The following XYLT1 variants were observed in gnomAD, a reference collection of about 807,000 sequenced individuals.
XYLT1 encodes the protein beta-D-xylosyltransferase 1.
XYLT1 carries 36 observed loss-of-function variants against 91.3 expected under a neutral mutation model. The observed-to-expected ratio is 0.39, with a 90% CI of 0.30 to 0.52. The LOEUF (loss-of-function observed/expected upper bound fraction) is 0.52, where lower values mean the gene tolerates loss of function less well. Ranked by LOEUF, XYLT1 falls within the 20% of genes least tolerant of loss-of-function variation. XYLT1 has a pLI of 0.68. For synonymous variants in XYLT1, 588 were observed against 532.0 expected, an observed-to-expected ratio of 1.11 and a Z score of -1.45; for missense variants, 1,242 against 1,284.5, an observed-to-expected ratio of 0.97 and a Z score of 0.51.
chr16:17,127,183 T>C (rs530006670), intron 10 of XYLT1, among the ~76,000 whole-genome samples: 83 of 152,306 alleles, frequency 5.4e-4, no homozygotes, highest in African/African-American at 1.9e-3. Flanking sequence ...TAATCATATA[T>C]TCAGTGATTG....
chr16:17,132,262 A>G (rs1172100161), intron 9 of XYLT1, among the ~76,000 whole-genome samples: 1 of 152,160 alleles, frequency 6.6e-6, no homozygotes, highest in Non-Finnish European at 1.5e-5. Flanking sequence ...GATACCGCAC[A>G]TACTGAAGGT....
At chr16:17,279,931 G>T (rs1443830073) in intron 2 of XYLT1, among the ~76,000 whole-genome samples, 1 of 152,174 alleles carries the variant, frequency 6.6e-6, no homozygotes, top group Non-Finnish European at 1.5e-5. Flanking sequence ...AGACCTCCAG[G>T]GATGTCAGCC....
At chr16:17,243,855 T>C (rs1487229406) in intron 3 of XYLT1, among the ~76,000 whole-genome samples, 1 of 152,054 alleles carries the variant, frequency 6.6e-6, no homozygotes, top group Non-Finnish European at 1.5e-5. Context: ...TGGATGCCAA[T>C]GTGTCCATAC....
chr16:17,402,196 T>C (rs1382417345), intron 1 of XYLT1, among the ~76,000 whole-genome samples: 5 of 151,076 alleles, frequency 3.3e-5, no homozygotes, highest in Admixed American at 3.3e-4. Flanking sequence ...GGTGCACACC[T>C]GTAGTCCCAG....
At chr16:17,437,513 T>C (rs1039497387) in intron 1 of XYLT1, among the ~76,000 whole-genome samples, 2 of 152,202 alleles carry the variant, frequency 1.3e-5, no homozygotes, top group African/African-American at 2.4e-5. Context: ...ATGTGCACGA[T>C]GTCACCCACA....
intron 1 of XYLT1, among the ~76,000 whole-genome samples, chr16:17,418,383 T>A (rs554395731): frequency 6.6e-6 from 1 of 152,348 alleles, no homozygotes; most frequent in African/African-American, 2.4e-5. Flanking sequence ...CTTTTCTTTT[T>A]AACCATAGCC....
intron 5 of XYLT1, among the ~76,000 whole-genome samples, chr16:17,184,183 G>A (rs1007171713): frequency 4.2e-5 from 4 of 95,802 alleles, no homozygotes; most frequent in Non-Finnish European, 5.7e-5. Context: ...CATAAAAGAC[G>A]GCTTTTTTTT....
rs527762207 is a variant in XYLT1, at chr16:17,138,856, C to G, written c.1588-325G>C. 5.0e-5 allele frequency: 11 copies of G among 221,318 alleles called. 1 individual carries two copies. Among genetic ancestry groups the G allele is most frequent in the Non-Finnish European group, 7.4e-5 (8 of 108,494 alleles). 13.7% of individuals were successfully genotyped at this position (221,318 alleles called of 1,614,324 possible). A position where few individuals can be genotyped will look rare whatever the true frequency, so the allele number is the denominator to read the frequency against. On this transcript the variant is annotated intron_variant, in intron 7 of 11. Coordinates refer to ENST00000261381, the MANE Select transcript of XYLT1 (RefSeq NM_022166.4). ...GCTGCCCATGTGGTCCAACTCAGAG[C>G]GCAGGCGGATGCTCTGTCCAACAGA...
chr16:17,421,109 C>T (rs1471382135), intron 1 of XYLT1, among the ~76,000 whole-genome samples: 1 of 152,170 alleles, frequency 6.6e-6, no homozygotes, highest in African/African-American at 2.4e-5. Context: ...AGTAACCTTA[C>T]AGCTCAATCA....
chr16:17,310,831 A>C (rs1369653418), intron 2 of XYLT1, among the ~76,000 whole-genome samples: 1 of 152,188 alleles, frequency 6.6e-6, no homozygotes, highest in Admixed American at 6.5e-5. Flanking sequence ...CCTGGATGAC[A>C]GAGCAAGACT....
At chr16:17,232,429 G>GTATATA (rs144659961) in intron 3 of XYLT1, among the ~76,000 whole-genome samples, 3 of 121,734 alleles carry the variant, frequency 2.5e-5, no homozygotes, top group South Asian at 2.6e-4. Context: ...GTGTGTGTGT[G>GTATATA]TATATATATA....
intron 2 of XYLT1, among the ~76,000 whole-genome samples, chr16:17,339,384 A>G (rs2035033885): frequency 6.6e-6 from 1 of 152,214 alleles, no homozygotes; most frequent in African/African-American, 2.4e-5. Flanking sequence ...AGATATTTTC[A>G]TGTCACATTG....
rs1425234113 is a variant in XYLT1, at chr16:17,470,602, C to G, written c.195G>C (p.Arg65=). The G allele has an allele frequency of 5.2e-6, 6 of 1,160,618 alleles. No homozygotes were observed. Among genetic ancestry groups the G allele is most frequent in the Non-Finnish European group, 5.3e-6 (5 of 943,810 alleles). The allele number at this position is 1,160,618 out of a possible 1,614,324, so 71.9% of individuals were successfully genotyped here. A position where few individuals can be genotyped will look rare whatever the true frequency, so the allele number is the denominator to read the frequency against. The change falls in exon 1 of 12, where the codon CGG becomes CGC. Residue 65 remains arginine (R), a synonymous_variant. Transcript: ENST00000261381. The part of the protein sequence containing the change: ...EQPPPAPAPR[R]ERRDLPAEPA... ...GCTCGGCGGGCAGGTCCCGGCGCTC[C>G]CGGCGCGGGGCCGGGGCCGGGGGCG...
At chr16:17,238,274 TAGAAC>T (rs2033279432) in intron 3 of XYLT1, among the ~76,000 whole-genome samples, 1 of 152,240 alleles carries the variant, frequency 6.6e-6, no homozygotes, top group South Asian at 2.1e-4. Flanking sequence ...GCTTTTGTCT[TAGAAC>T]AGGAGTCAGC....
intron 2 of XYLT1, among the ~76,000 whole-genome samples, chr16:17,337,158 T>C (rs1596489123): frequency 6.6e-6 from 1 of 152,124 alleles, no homozygotes; most frequent in African/African-American, 2.4e-5. Context: ...AGGGAGACAG[T>C]GGTCTGCAAA....
chr16:17,454,688 C>T (rs2036712929), intron 1 of XYLT1, among the ~76,000 whole-genome samples: 1 of 152,030 alleles, frequency 6.6e-6, no homozygotes, highest in Non-Finnish European at 1.5e-5. Flanking sequence ...AGGCATCAAC[C>T]ACCACACCCA....
At chr16:17,419,940 G>T (rs948787219) in intron 1 of XYLT1, among the ~76,000 whole-genome samples, 1 of 152,136 alleles carries the variant, frequency 6.6e-6, no homozygotes, top group African/African-American at 2.4e-5. Flanking sequence ...GGCCCTCAAA[G>T]AACTATTTGT....
chr16:17,204,106 C>T (rs976853962), intron 3 of XYLT1, among the ~76,000 whole-genome samples: 15 of 152,136 alleles, frequency 9.9e-5, no homozygotes, highest in African/African-American at 3.1e-4. Context: ...TGAGTGTTGC[C>T]GAGTCCAAAG....
chr16:17,172,803 A>C (rs1024083343), intron 5 of XYLT1, among the ~76,000 whole-genome samples: 2 of 152,098 alleles, frequency 1.3e-5, no homozygotes, highest in Non-Finnish European at 2.9e-5. Context: ...TGAGACATGA[A>C]TTCTGCTTTT....
Sources: gnomAD v4.1 joint callset for allele counts (sites outside exome capture counted in the v4.1 genomes callset) on GRCh38, gnomAD v4.1.1 for gene constraint, MANE v1.5 for transcripts, NCBI Gene and HGNC (gene_info 2026-07-23, HGNC 2026-07-21) for gene names.